The following USF1 variants were observed in gnomAD, a reference collection of about 807,000 sequenced individuals.
USF1 encodes the protein upstream transcription factor 1, also known as upstream stimulatory factor 1.
Under a neutral mutation model 46.3 loss-of-function variants are expected in USF1, and 22 were observed. The observed-to-expected ratio is 0.47, with a 90% CI of 0.34 to 0.68. The LOEUF is 0.68. Ranked by LOEUF, USF1 falls within the 30% of genes least tolerant of loss-of-function variation. The probability of loss-of-function intolerance (pLI) is 0.01; values close to 1 mark genes in which losing one functional copy is unlikely to be tolerated. For missense variants in USF1, 287 were observed against 399.3 expected (o/e 0.72, Z 2.40); for synonymous variants, 150 against 147.0 (o/e 1.02, Z -0.15).
At chr1:161,041,477 G>T in intron 6 of USF1, 66 bp from the exon 7 acceptor site, 1 of 1,550,410 alleles carries the variant, frequency 6.4e-7, no homozygotes, top group Non-Finnish European at 8.8e-7. Flanking sequence ...CTGAGGTGAA[G>T]ACCCTGGTCC....
chr1:161,042,425 A>C (rs1571049632), intron 4 of USF1, 130 bp downstream of exon 4: 1 of 1,063,076 alleles, frequency 9.4e-7, no homozygotes, highest in Non-Finnish European at 1.4e-6. Flanking sequence ...CAGTATTAGC[A>C]CCTCCCTCCC....
chr1:161,042,081 GA>G, intron 5 of USF1, 34 bp downstream of exon 5: 1 of 1,579,666 alleles, frequency 6.3e-7, no homozygotes, highest in Non-Finnish European at 8.6e-7. Context: ...TTACTTCTCA[GA>G]ACTCTAGTGA....
intron 1 of USF1, among the ~76,000 whole-genome samples, chr1:161,044,131 T>C (rs1353462815): frequency 6.6e-6 from 1 of 151,822 alleles, no homozygotes; most frequent in Non-Finnish European, 1.5e-5. Flanking sequence ...TCAGTAGAGA[T>C]GGGGTTTTAC....
chr1:161,041,949 G>A, intron 5 of USF1, 103 bp from the exon 6 acceptor site: 1 of 916,740 alleles, frequency 1.1e-6, no homozygotes, highest in South Asian at 2.2e-5. Flanking sequence ...GTAGGGTGGA[G>A]AGAGAGAGAG....
intron 2 of USF1, 136 bp downstream of exon 2, chr1:161,043,132 A>C (rs1469402726): frequency 6.6e-7 from 1 of 1,504,624 alleles, no homozygotes; most frequent in Non-Finnish European, 9.2e-7. Flanking sequence ...TAGATAGAGA[A>C]ACCAAATCAC....
chr1:161,042,293 T>C (rs1410264561), intron 4 of USF1, 76 bp from the exon 5 acceptor site: 66 of 1,451,770 alleles, frequency 4.5e-5, no homozygotes, highest in Non-Finnish European at 5.6e-5. Flanking sequence ...GGGCCCCTCA[T>C]AAAGCTTCCC....
At chr1:161,044,186 G>T (rs1195347256) in intron 1 of USF1, among the ~76,000 whole-genome samples, 3 of 151,590 alleles carry the variant, frequency 2.0e-5, no homozygotes, top group Non-Finnish European at 4.4e-5. Context: ...CAGGTGATCC[G>T]CCTGCCTCGG....
chr1:161,039,264 T>C lies in USF1; in HGVS notation c.*656A>G, dbSNP rs1175705824. 13 of 101,302 alleles carry C rather than the reference T, an allele frequency of 1.3e-4. No homozygotes were observed. The highest frequency in any genetic ancestry group is 4.8e-4 in the African/African-American group (13 of 26,934). 6.3% of individuals were successfully genotyped at this position (101,302 alleles called of 1,614,324 possible). On this transcript the variant is annotated 3_prime_UTR_variant, in exon 11 of 11. Transcript: ENST00000368021. ...AACAGACAACTGTGGCTTTGAACAA[T>C]TTTATCTTAAAAAAAAAAAAAAAAA...
At position 161,040,235 on chromosome 1, in the gene USF1, T is replaced by C. The variant is rs763099864; in HGVS notation, c.810A>G (p.Gln270=). 1 of 1,614,138 alleles carries C rather than the reference T, an allele frequency of 6.2e-7. No individual in the cohort carries two copies. The highest frequency in any genetic ancestry group is 1.7e-5 in the Admixed American group (1 of 60,028). ...GAAGCACGTCATTGTCCAGCTGCAGTTGGTCAAGTCCCTGCAGTTCTTCAG... is the reference window on the plus strand; with the variant it reads ...GAAGCACGTCATTGTCCAGCTGCAGCTGGTCAAGTCCCTGCAGTTCTTCAG... ...RLSEELQGLD[Q]LQLDNDVLRQ... is the part of the protein sequence containing the mutation. The change falls in exon 10 of 11, where the codon CAA becomes CAG. Residue 270 remains glutamine, a synonymous_variant. Coordinates refer to ENST00000368021, the MANE Select transcript of USF1 (RefSeq NM_007122.5). The surrounding 1 kb of genome is among the most constrained non-coding windows in gnomAD (Gnocchi z 4.0).
rs551180855 is a variant in USF1, at chr1:161,042,071, T to G, written c.276+45A>C. On this transcript the variant is annotated intron_variant, in intron 5 of 10. Coordinates refer to ENST00000368021, the MANE Select transcript of USF1 (RefSeq NM_007122.5). ...CATCCTACTGATTCCCTTCTTCATC[T>G]TACTTCTCAGAACTCTAGTGACCTC... 3.3e-5 allele frequency: 51 copies of G among 1,565,630 alleles called. No homozygotes were observed. In the South Asian group the frequency reaches 5.7e-4, roughly 17 times the overall value.
Position 161,040,019 on chromosome 1 carries a change from G to T in USF1, c.844-10C>A. 6.2e-6 allele frequency: 10 copies of T among 1,614,184 alleles called. No individual in the cohort carries two copies. The highest frequency in any genetic ancestry group is 8.5e-6 in the Non-Finnish European group (10 of 1,180,022). ...TTTTAAGATCTTCCACCTGACATGG[G>T]AAGGAGGCAGTAAAGGGAATGGGTA... On this transcript the variant is annotated splice_polypyrimidine_tract_variant and intron_variant, in intron 10 of 10. Transcript: ENST00000368021. The surrounding 1 kb of genome is among the most constrained non-coding windows in gnomAD (Gnocchi z 4.0).
Position 161,042,752 on chromosome 1 carries a change from G to A in USF1, c.58+81C>T. ...CCATTTGCATGTCACGGAAGGAGGAGGATGCACAGGAGATGGTCTGGTGGG... is the reference window on the plus strand; with the variant it reads ...CCATTTGCATGTCACGGAAGGAGGAAGATGCACAGGAGATGGTCTGGTGGG... On this transcript the variant is annotated intron_variant, in intron 3 of 10. Transcript: ENST00000368021. The A allele has an allele frequency of 3.1e-6, 5 of 1,610,392 alleles. No individual in the cohort carries two copies. In the Admixed American group the frequency reaches 8.3e-5, roughly 27 times the overall value.
intron 2 of USF1, 147 bp downstream of exon 2, chr1:161,043,121 A>G: frequency 7.0e-7 from 1 of 1,433,652 alleles, no homozygotes; most frequent in Non-Finnish European, 9.7e-7. Flanking sequence ...CTTCCATTTT[A>G]TAGATAGAGA....
Position 161,040,100 on chromosome 1 carries a change from GA to G in USF1, c.844-92del, listed in dbSNP as rs751560471. The G allele has an allele frequency of 1.4e-5, 23 of 1,609,840 alleles. No individual in the cohort carries two copies. Among genetic ancestry groups the G allele is most frequent in the Non-Finnish European group, 1.9e-5 (22 of 1,177,116 alleles). On this transcript the variant is annotated intron_variant, in intron 10 of 10. Coordinates refer to ENST00000368021, the MANE Select transcript of USF1 (RefSeq NM_007122.5). This position sits in a 1 kb window ranked among gnomAD's most constrained non-coding sequence, Gnocchi z 4.0. The stretch of plus-strand genomic sequence containing the variant: ...TATTCAGACATCCACTGGTGAGGGG[GA>G]AAAGATGAAGCCTTCTCCATGGAGA...
In USF1 at chr1:161,041,410, A is replaced by C. The variant is rs1299617121; in HGVS notation, c.474T>G (p.Gly158=). Residue 158 remains glycine (G), a splice_region_variant and synonymous_variant, in exon 7 of 11, where the codon GGT becomes GGG. Coordinates refer to ENST00000368021, the MANE Select transcript of USF1 (RefSeq NM_007122.5). ...LLGQATPPGT[G]QFFVMMSPQE... ...GTGGTGACATCATCACAAAGAATTGACCTGTGAAGATGCAGGGTAGGTTCT... is the reference window on the plus strand; with the variant it reads ...GTGGTGACATCATCACAAAGAATTGCCCTGTGAAGATGCAGGGTAGGTTCT... 1 of 1,613,346 alleles carries C rather than the reference A, an allele frequency of 6.2e-7. No homozygotes were observed. The highest frequency in any genetic ancestry group is 2.2e-5 in the East Asian group (1 of 44,888).
chr1:161,040,484 T>C lies in USF1; in HGVS notation c.714+92A>G. The C allele has an allele frequency of 6.4e-7, 1 of 1,558,676 alleles. No individual in the cohort carries two copies. Among genetic ancestry groups the C allele is most frequent in the Non-Finnish European group, 8.7e-7 (1 of 1,146,518 alleles). ...GAACCTCAGGGAGAGATAAGACTAC[T>C]GTCATGTGTGCCCCTCTCTCTACCA... On this transcript the variant is annotated intron_variant, in intron 9 of 10. Coordinates refer to ENST00000368021, the MANE Select transcript of USF1 (RefSeq NM_007122.5). This position sits in a 1 kb window ranked among gnomAD's most constrained non-coding sequence, Gnocchi z 4.0.
chr1:161,043,442 A>G (rs1650656660), intron 1 of USF1, 82 bp from the exon 2 acceptor site: 7 of 1,066,062 alleles, frequency 6.6e-6, no homozygotes, highest in Middle Eastern at 3.1e-4. Flanking sequence ...CCATGAACAC[A>G]TAGCCAGGAA....
At chr1:161,045,704 G>A (rs911672485) in intron 1 of USF1, among the ~76,000 whole-genome samples, 154 bp downstream of exon 1, 1 of 152,240 alleles carries the variant, frequency 6.6e-6, no homozygotes, top group Non-Finnish European at 1.5e-5. Flanking sequence ...CACAAAGCAG[G>A]GTATGAGATA....
chr1:161,042,712 C>T, intron 3 of USF1, 42 bp from the exon 4 acceptor site: 1 of 1,613,276 alleles, frequency 6.2e-7, no homozygotes, highest in African/African-American at 1.3e-5. Flanking sequence ...AGTTAACTGC[C>T]TTTCTACCCC....
Sources: allele counts gnomAD v4.1 joint callset (sites outside exome capture counted in the v4.1 genomes callset), GRCh38; gene constraint gnomAD v4.1.1; non-coding constraint Gnocchi (gnomAD v3.1); transcripts MANE v1.5; gene names NCBI Gene and HGNC (gene_info 2026-07-23, HGNC 2026-07-21).